ZDHHC9: variants seen among roughly 807,000 people sequenced by gnomAD.
The protein encoded by ZDHHC9 is palmitoyltransferase ZDHHC9.
Under a neutral mutation model 26.6 loss-of-function variants are expected in ZDHHC9, and 3 were observed. The ratio of observed to expected loss-of-function variants is 0.11; its 90% confidence interval spans 0.05 to 0.29. The LOEUF (loss-of-function observed/expected upper bound fraction) is 0.29. Ranked by LOEUF, ZDHHC9 falls within the 10% of genes least tolerant of loss-of-function variation. The pLI, the probability that ZDHHC9 is intolerant of heterozygous loss-of-function variation, is 1.00. For synonymous variants in ZDHHC9, 111 were observed against 109.4 expected, an observed-to-expected ratio of 1.01 and a Z score of -0.09; for missense variants, 146 against 296.4, an observed-to-expected ratio of 0.49 and a Z score of 3.73.
At chrX:129,833,724 G>A (rs922287381) in intron 3 of ZDHHC9, among the ~76,000 whole-genome samples, 5 of 111,907 alleles carry the variant, frequency 4.5e-5, no homozygotes, top group Non-Finnish European at 9.4e-5. Flanking sequence ...TAAGATGACC[G>A]ATAATCAAGT....
chrX:129,805,165 G>A lies in ZDHHC9; in HGVS notation c.*1205C>T, dbSNP rs765130961. The A allele has an allele frequency of 8.9e-6, 1 of 112,568 alleles. No individual in the cohort carries two copies. The highest frequency in any genetic ancestry group is 3.7e-4 in the South Asian group (1 of 2,717). The allele number at this position is 112,568 out of a possible 1,213,427, so 9.3% of individuals were successfully genotyped here. On this transcript the variant is annotated 3_prime_UTR_variant, in exon 11 of 11. Coordinates refer to ENST00000357166, the MANE Select transcript of ZDHHC9 (RefSeq NM_016032.4). The stretch of plus-strand genomic sequence containing the variant: ...CACCCCCAGGGTGAAGTGGCTCTGG[G>A]ACTCTGCCGGTGGAAGTGCTGGAAG...
At position 129,836,401 on chromosome X, in the gene ZDHHC9, A is replaced by G. The variant is rs980534279; in HGVS notation, c.167+5378T>C. On this transcript the variant is annotated intron_variant, in intron 3 of 10. Transcript: ENST00000357166. ...CAAGTTCAAGTGATTCTCCTGCCTCAGCCTCCCAAGTAGCTGGGAATACAG... is the reference window on the plus strand; with the variant it reads ...CAAGTTCAAGTGATTCTCCTGCCTCGGCCTCCCAAGTAGCTGGGAATACAG... Among the ~76,000 whole-genome samples, 3 of 111,433 alleles carry G rather than the reference A, an allele frequency of 2.7e-5. No homozygotes were observed. In the Admixed American group the frequency reaches 2.9e-4, roughly 11 times the overall value.
chrX:129,836,113 C>A (rs1027232798), intron 3 of ZDHHC9, among the ~76,000 whole-genome samples: 11 of 111,558 alleles, frequency 9.9e-5, no homozygotes, highest in Admixed American at 9.5e-4. Context: ...TCTTCAGGAA[C>A]CTGGACCTTG....
At chrX:129,823,391 G>A (rs1402665642) in intron 5 of ZDHHC9, 6 of 329,921 alleles carry the variant, frequency 1.8e-5, no homozygotes, top group African/African-American at 5.3e-5. Context: ...TGAAAATCCA[G>A]TACAGGAAAA....
chrX:129,821,882 A>G (rs944912129), intron 5 of ZDHHC9, among the ~76,000 whole-genome samples: 6 of 110,600 alleles, frequency 5.4e-5, no homozygotes, highest in African/African-American at 1.3e-4. Context: ...AGATCATGCC[A>G]CTGCACTCCA....
chrX:129,838,767 T>A (rs1300882540), intron 3 of ZDHHC9, among the ~76,000 whole-genome samples: 2 of 112,405 alleles, frequency 1.8e-5, no homozygotes, highest in Non-Finnish European at 3.8e-5. Flanking sequence ...TTTTGTTTTA[T>A]GTATTCAATC....
At position 129,812,266 on chromosome X, in the gene ZDHHC9, G is replaced by C. The variant is rs149300549; in HGVS notation, c.777+452C>G. On this transcript the variant is annotated intron_variant, in intron 8 of 10. Coordinates refer to ENST00000357166, the MANE Select transcript of ZDHHC9 (RefSeq NM_016032.4). ...ATCCGGCTATATTTTTGTATTTTTAGTAGAGACAGGGTTTTGCCATGTTGG... is the reference window on the plus strand; with the variant it reads ...ATCCGGCTATATTTTTGTATTTTTACTAGAGACAGGGTTTTGCCATGTTGG... 3.3e-3 allele frequency among the ~76,000 whole-genome samples: 372 copies of C among 111,774 alleles called. 1 individual carries two copies. Among genetic ancestry groups the C allele is most frequent in the African/African-American group, 0.011 (336 of 30,757 alleles).
intron 3 of ZDHHC9, among the ~76,000 whole-genome samples, chrX:129,838,364 C>T (rs1206755156): frequency 9.0e-6 from 1 of 111,554 alleles, no homozygotes; most frequent in East Asian, 2.8e-4. Flanking sequence ...AGAGACCCCC[C>T]GGCTTCTTCA....
At chrX:129,821,145 T>A (rs922996087) in intron 5 of ZDHHC9, among the ~76,000 whole-genome samples, 6 of 111,804 alleles carry the variant, frequency 5.4e-5, no homozygotes, top group Middle Eastern at 9.3e-3. Flanking sequence ...AAACAACAGA[T>A]GCTGGCAAGG....
At chrX:129,810,881 C>T (rs1327715647) in intron 10 of ZDHHC9, 24 bp downstream of exon 10, 1 of 1,185,816 alleles carries the variant, frequency 8.4e-7, no homozygotes, top group Admixed American at 2.2e-5. Context: ...TATATCGACC[C>T]AGCCTTAAGT....
intron 10 of ZDHHC9, among the ~76,000 whole-genome samples, chrX:129,809,826 C>T (rs1045209451): frequency 4.6e-5 from 5 of 108,868 alleles, no homozygotes; most frequent in African/African-American, 1.7e-4. Context: ...GGAGAAACCC[C>T]GTCTCTACTA....
intron 5 of ZDHHC9, among the ~76,000 whole-genome samples, chrX:129,816,449 A>G (rs1045490971): frequency 5.4e-5 from 6 of 110,949 alleles, no homozygotes; most frequent in African/African-American, 2.0e-4. Context: ...AAAAACCCTC[A>G]TTATTAAGTG....
rs145508255 is a variant in ZDHHC9 at position 129,824,001 on chromosome X, T to G, written c.329-164A>C. On this transcript the variant is annotated intron_variant, in intron 4 of 10. Transcript: ENST00000357166. ...ACAGAATATGCCCATAAAACTCCAC[T>G]AAGTGCATGCAGTTCTGTTGTATAC... 6.7e-3 allele frequency among the ~76,000 whole-genome samples: 746 copies of G among 112,092 alleles called. 3 individuals are homozygous for G. The highest frequency in any genetic ancestry group is 0.023 in the African/African-American group (709 of 30,880).
At chrX:129,818,938 C>A (rs776319521) in intron 5 of ZDHHC9, among the ~76,000 whole-genome samples, 1 of 109,544 alleles carries the variant, frequency 9.1e-6, no homozygotes, top group Non-Finnish European at 1.9e-5. Flanking sequence ...TTTGGGAGGC[C>A]GAGGCAGGTG....
intron 3 of ZDHHC9, among the ~76,000 whole-genome samples, chrX:129,837,525 A>G (rs1569323269): frequency 2.7e-5 from 3 of 112,549 alleles, no homozygotes; most frequent in Non-Finnish European, 5.6e-5. Context: ...ATTGATTACT[A>G]TTGATTACTA....
At chrX:129,840,470 T>C (rs1363787359) in intron 3 of ZDHHC9, among the ~76,000 whole-genome samples, 1 of 111,544 alleles carries the variant, frequency 9.0e-6, no homozygotes, top group African/African-American at 3.3e-5. Context: ...ACATGCTCAC[T>C]GGTACCACAC....
At chrX:129,818,891 G>A (rs2070341822) in intron 5 of ZDHHC9, among the ~76,000 whole-genome samples, 1 of 110,964 alleles carries the variant, frequency 9.0e-6, no homozygotes, top group Non-Finnish European at 1.9e-5. Context: ...CATCAATTTG[G>A]GCCAGGCGTG....
chrX:129,809,512 G>A (rs955700846), intron 10 of ZDHHC9, among the ~76,000 whole-genome samples: 1 of 111,863 alleles, frequency 8.9e-6, no homozygotes, highest in Admixed American at 9.5e-5. Context: ...CCAGAAGAGA[G>A]AAATCTGTAC....
At chrX:129,838,337 G>A (rs1171905618) in intron 3 of ZDHHC9, among the ~76,000 whole-genome samples, 2 of 111,361 alleles carry the variant, frequency 1.8e-5, no homozygotes, top group East Asian at 2.8e-4. Context: ...ATTTCTACTC[G>A]GTGACAGCGG....
Sources: allele counts gnomAD v4.1 joint callset (sites outside exome capture counted in the v4.1 genomes callset), GRCh38; gene constraint gnomAD v4.1.1; transcripts MANE v1.5; gene names NCBI Gene and HGNC (gene_info 2026-07-23, HGNC 2026-07-21).